Variants in MASP1 observed in about 807,000 individuals in gnomAD.
MASP1 encodes the protein MBL associated serine protease 1.
In MASP1, 59 loss-of-function variants were observed where a neutral mutation model predicts 77.1. The ratio of observed to expected loss-of-function variants is 0.77; its 90% CI spans 0.62 to 0.95. The LOEUF is 0.95. Among genes scored for constraint, MASP1 ranks in the 40% least tolerant of loss-of-function variants. The probability of loss-of-function intolerance (pLI) is 0.00; values close to 1 mark genes in which losing one functional copy is unlikely to be tolerated. For synonymous variants in MASP1, 362 were observed against 354.5 expected (o/e 1.02, Z -0.24); for missense variants, 885 against 912.9 (o/e 0.97, Z 0.39).
intron 2 of MASP1, among the ~76,000 whole-genome samples, chr3:187,265,729 G>A (rs1288397612): frequency 6.6e-6 from 1 of 152,248 alleles, no homozygotes; most frequent in East Asian, 1.9e-4. Flanking sequence ...TCTGATATCA[G>A]TTTTGCTTTG....
At chr3:187,254,884 A>G (rs1020557925) in intron 5 of MASP1, among the ~76,000 whole-genome samples, 4 of 151,950 alleles carry the variant, frequency 2.6e-5, no homozygotes, top group African/African-American at 9.7e-5. Flanking sequence ...GACTTCTGCA[A>G]TCCCAAGTGA....
Position 187,220,496 on chromosome 3 carries a change from C to T in MASP1, c.1910-235G>A, listed in dbSNP as rs370966073. On this transcript the variant is annotated intron_variant, in intron 15 of 15. Transcript: ENST00000337774. ...TTTCTTTTCTTTTTCTTTTTTCTTT[C>T]TTTTTTTTTTTTTTTTTGAGATGGA... Among the ~76,000 whole-genome samples the T allele has an allele frequency of 0.086, 10,970 of 127,604 alleles. 573 individuals are homozygous for T. Among genetic ancestry groups the T allele is most frequent in the Non-Finnish European group, 0.12 (7,399 of 62,330 alleles). The allele number at this position is 127,604 out of a possible 152,430, so 83.7% of individuals were successfully genotyped here. A position where few individuals can be genotyped will look rare whatever the true frequency, so the allele number is the denominator to read the frequency against.
chr3:187,232,850 A>C (rs1206301966), downstream of MASP1, among the ~76,000 whole-genome samples: 1 of 152,220 alleles, frequency 6.6e-6, no homozygotes, highest in East Asian at 1.9e-4. Flanking sequence ...GCAAAGCGTA[A>C]ATAAGCTCTT....
At chr3:187,222,096 TG>T (rs1712093825) in intron 14 of MASP1, among the ~76,000 whole-genome samples, 1 of 152,124 alleles carries the variant, frequency 6.6e-6, no homozygotes, top group Non-Finnish European at 1.5e-5. Flanking sequence ...CAGGGCAGGG[TG>T]GTCCTGAGGA....
downstream of MASP1, chr3:187,229,838 C>T: frequency 2.5e-6 from 4 of 1,614,122 alleles, no homozygotes; most frequent in Non-Finnish European, 3.4e-6. Context: ...CCTTTCTGGG[C>T]TGGGCGTCCA....
intron 7 of MASP1, among the ~76,000 whole-genome samples, chr3:187,250,655 C>T (rs190712818): frequency 5.3e-5 from 8 of 152,308 alleles, no homozygotes; most frequent in African/African-American, 1.9e-4. Flanking sequence ...TCCTAGAGAG[C>T]TTGTTAAAAC....
chr3:187,281,863 G>A (rs530221605), intron 2 of MASP1, among the ~76,000 whole-genome samples: 2 of 152,262 alleles, frequency 1.3e-5, no homozygotes, highest in South Asian at 2.1e-4. Flanking sequence ...GCATATTTGC[G>A]CTTTTATTCA....
In MASP1 at chr3:187,223,165, T is replaced by TC. The variant is rs533160857; in HGVS notation, c.1770dup (p.Lys591GlufsTer15). On this transcript the variant is annotated frameshift_variant, in exon 14 of 16. Coordinates refer to the MASP1 transcript ENST00000337774. LOFTEE classifies it high-confidence loss of function. ...TCTGGGAACCTTTGCAAGAACTGCT[T>TC]CCCCCAGCCGCTGACGATGACCATG... 1 of 1,614,062 alleles carries TC rather than the reference T, an allele frequency of 6.2e-7. No homozygotes were observed. Among genetic ancestry groups the TC allele is most frequent in the Non-Finnish European group, 8.5e-7 (1 of 1,180,012 alleles).
chr3:187,229,823 T>C, downstream of MASP1: 1 of 1,613,598 alleles, frequency 6.2e-7, no homozygotes, highest in Non-Finnish European at 8.5e-7. Flanking sequence ...ATCCAGGGAG[T>C]GGTGCCTTTC....
intron 10 of MASP1, 54 bp from the exon 11 acceptor site, chr3:187,236,621 C>T: frequency 6.2e-7 from 1 of 1,612,678 alleles, no homozygotes; most frequent in Non-Finnish European, 8.5e-7. Flanking sequence ...TCAGGTCAGC[C>T]ATGTGACAGG....
Position 187,235,210 on chromosome 3 carries a change from G to A in MASP1, c.*474C>T. 1 of 1,288,622 alleles carries A rather than the reference G, an allele frequency of 7.8e-7. No homozygotes were observed. Among genetic ancestry groups the A allele is most frequent in the Non-Finnish European group, 1.0e-6 (1 of 989,690 alleles). The allele number at this position is 1,288,622 out of a possible 1,614,324, so 79.8% of individuals were successfully genotyped here. ...CTCCTAGAGGAAGGATTAGGCCAAG[G>A]CTAGTCCCAGAAGGCAGAGCAGGAA... On this transcript the variant is annotated 3_prime_UTR_variant, in exon 11 of 11. Coordinates refer to ENST00000296280, the MANE Select transcript of MASP1 (RefSeq NM_139125.4).
Position 187,236,467 on chromosome 3 carries a change from C to T in MASP1, c.1404G>A (p.Val468=), listed in dbSNP as rs763542972. The change falls in exon 11 of 11, where the codon GTG becomes GTA. Residue 468 remains valine (V), a synonymous_variant. Transcript: ENST00000296280. Reference sequence around the variant, plus strand: ...TTGGCACTCTCGAAGTGTCCTCCACCACTATCAGGGCCTGCCACGGGAAGA... The same window carrying T: ...TTGGCACTCTCGAAGTGTCCTCCACTACTATCAGGGCCTGCCACGGGAAGA... The part of the protein sequence containing the change: ...PGLFPWQALI[V]VEDTSRVPND... 7 of 1,614,028 alleles carry T rather than the reference C, an allele frequency of 4.3e-6. No homozygotes were observed. The South Asian group carries it at 7.7e-5, about 18-fold the overall frequency.
chr3:187,220,987 A>C (rs1197525384), intron 15 of MASP1: 1 of 1,507,066 alleles, frequency 6.6e-7, no homozygotes, highest in Non-Finnish European at 9.2e-7. Context: ...GCTCTGCACC[A>C]CTCCCTGGCT....
chr3:187,220,455 A>G (rs1711980517), intron 15 of MASP1, among the ~76,000 whole-genome samples: 1 of 151,272 alleles, frequency 6.6e-6, no homozygotes, highest in South Asian at 2.1e-4. Context: ...GCCCTGATTC[A>G]GACCTCTTTC....
intron 2 of MASP1, among the ~76,000 whole-genome samples, chr3:187,275,199 C>T: frequency 6.6e-6 from 1 of 152,214 alleles, no homozygotes; most frequent in East Asian, 1.9e-4. Flanking sequence ...CTGTGTTCTT[C>T]TGCGGCAGAA....
chr3:187,239,582 C>T (rs1198298219), intron 10 of MASP1, among the ~76,000 whole-genome samples: 1 of 152,148 alleles, frequency 6.6e-6, no homozygotes, highest in East Asian at 1.9e-4. Context: ...TTTTTGCTCA[C>T]ATGGTCTTTT....
intron 2 of MASP1, among the ~76,000 whole-genome samples, chr3:187,275,568 C>G (rs1250482609): frequency 2.0e-5 from 3 of 152,074 alleles, no homozygotes; most frequent in Non-Finnish European, 4.4e-5. Context: ...ATTTTGCTAC[C>G]CTGTTGTTAA....
intron 10 of MASP1, among the ~76,000 whole-genome samples, chr3:187,240,337 C>T (rs1235633989): frequency 6.6e-6 from 1 of 152,070 alleles, no homozygotes. Flanking sequence ...ATACAAATAT[C>T]ACCCAATGCT....
At chr3:187,246,217 A>C (rs1264499672) in intron 8 of MASP1, 2 of 235,352 alleles carry the variant, frequency 8.5e-6, no homozygotes, top group South Asian at 1.5e-4. Flanking sequence ...TTGTTCTGGA[A>C]CTCTTCACTC....
Sources: allele counts gnomAD v4.1 joint callset (sites outside exome capture counted in the v4.1 genomes callset), GRCh38; gene constraint gnomAD v4.1.1; transcripts MANE v1.5; gene names NCBI Gene and HGNC (gene_info 2026-07-23, HGNC 2026-07-21).